PTDSS1: variants seen among roughly 807,000 people sequenced by gnomAD.
PTDSS1 encodes the protein phosphatidylserine synthase 1.
In PTDSS1, 45 loss-of-function variants were observed where a neutral mutation model predicts 70.5. The observed-to-expected ratio is 0.64, with a 90% CI of 0.50 to 0.82. The LOEUF (loss-of-function observed/expected upper bound fraction) is 0.82. Ranked by LOEUF, PTDSS1 falls within the 40% of genes least tolerant of loss-of-function variation. The pLI is 0.00. For synonymous variants in PTDSS1, 188 were observed against 203.8 expected (o/e 0.92, Z 0.66); for missense variants, 417 against 586.1 (o/e 0.71, Z 2.98).
intron 4 of PTDSS1, among the ~76,000 whole-genome samples, chr8:96,292,306 A>G (rs796115080): frequency 0.041 from 6,091 of 148,564 alleles, 439 homozygotes; most frequent in African/African-American, 0.14. Context: ...AAAAAAAAAA[A>G]AAAAGAAAAG....
In PTDSS1 at chr8:96,295,135, G is replaced by A; in HGVS notation, c.479G>A (p.Arg160Lys). The change falls in exon 5 of 13, where the codon AGG becomes AAG. Residue 160 changes from arginine to lysine, a missense_variant. Physicochemically the swap from Arg to Lys is conservative, Grantham distance 26 (BLOSUM62 2). Around this residue, in one of 3 missense-constraint regions of PTDSS1, gnomAD observed 272 missense variants for 429.5 expected, o/e 0.63. Coordinates refer to ENST00000517309, the MANE Select transcript of PTDSS1 (RefSeq NM_014754.3). Reference protein sequence around the residue: ...AVNCHVITWERIISHFDIFAF... With the variant: ...AVNCHVITWEKIISHFDIFAF... ...AACTGCCATGTGATCACCTGGGAGA[G>A]GATTATCAGCCACTTTGATATTTTT... The A allele has an allele frequency of 6.2e-7, 1 of 1,614,016 alleles. No individual in the cohort carries two copies. The highest frequency in any genetic ancestry group is 1.1e-5 in the South Asian group (1 of 91,056).
chr8:96,333,355 A>G (rs781532739), intron 12 of PTDSS1, 102 bp from the exon 13 acceptor site: 5 of 971,030 alleles, frequency 5.1e-6, no homozygotes, highest in Non-Finnish European at 6.6e-6. Context: ...TGCACGTATC[A>G]GGGAAGAACC....
At chr8:96,284,266 T>C (rs1167526104) in intron 3 of PTDSS1, 113 bp downstream of exon 3, 3 of 998,632 alleles carry the variant, frequency 3.0e-6, no homozygotes, top group African/African-American at 3.3e-5. Context: ...TATTCTAGCT[T>C]TTTGCTTTTT....
rs1458273610 is a variant in PTDSS1, at chr8:96,267,435, A to G, written c.179+5216A>G. Among the ~76,000 whole-genome samples, 4 of 152,072 alleles carry G rather than the reference A, an allele frequency of 2.6e-5. No homozygotes were observed. The East Asian group carries it at 7.7e-4, about 29-fold the overall frequency. ...CTCAGCAAACTCCCAACCCTTTGGG[A>G]TAGCTGACTCTCAGGCCCTGGCTTC... On this transcript the variant is annotated intron_variant, in intron 1 of 12. Transcript: ENST00000517309.
chr8:96,262,296 G>GGGGGGGGGGGGGGGGGGGGGGGGGGC lies in PTDSS1; in HGVS notation c.179+77_179+78insGGGGGGGGGGGGGGGGGGGGGGGGGC. The stretch of plus-strand genomic sequence containing the variant: ...GGGAGGGAGGGTGGCGGGGAGGGGG[G>GGGGGGGGGGGGGGGGGGGGGGGGGGC]CCCGGCATGGCTCTGGGTGAGGAAG... On this transcript the variant is annotated intron_variant, in intron 1 of 12. Transcript: ENST00000517309. The surrounding 1 kb of genome is among the most constrained non-coding windows in gnomAD (Gnocchi z 4.4). The GGGGGGGGGGGGGGGGGGGGGGGGGGC allele has an allele frequency of 6.9e-7, 1 of 1,450,430 alleles. No homozygotes were observed. Among genetic ancestry groups the GGGGGGGGGGGGGGGGGGGGGGGGGGC allele is most frequent in the Non-Finnish European group, 9.4e-7 (1 of 1,062,520 alleles). 89.8% of individuals were successfully genotyped at this position (1,450,430 alleles called of 1,614,324 possible). A position where few individuals can be genotyped will look rare whatever the true frequency, so the allele number is the denominator to read the frequency against.
Position 96,333,779 on chromosome 8 carries a change from G to T in PTDSS1, c.*213G>T, listed in dbSNP as rs1420659152. The T allele has an allele frequency of 4.3e-6, 3 of 703,392 alleles. No homozygotes were observed. Among genetic ancestry groups the T allele is most frequent in the Non-Finnish European group, 5.2e-6 (2 of 386,412 alleles). The allele number at this position is 703,392 out of a possible 1,614,324, so 43.6% of individuals were successfully genotyped here. A position where few individuals can be genotyped will look rare whatever the true frequency, so the allele number is the denominator to read the frequency against. On this transcript the variant is annotated 3_prime_UTR_variant, in exon 13 of 13. Coordinates refer to ENST00000517309, the MANE Select transcript of PTDSS1 (RefSeq NM_014754.3). ...CGCCTGGGGGGCCTTTGCCAACGTG[G>T]GGTCTCTTCTAACTTCAGCACTTGA...
chr8:96,276,697 A>G (rs1467875580), intron 2 of PTDSS1, among the ~76,000 whole-genome samples: 1 of 151,976 alleles, frequency 6.6e-6, no homozygotes, highest in Non-Finnish European at 1.5e-5. Flanking sequence ...TTTCTCCATA[A>G]TATGTTTTCT....
At chr8:96,329,380 C>A (rs1287838769) in intron 10 of PTDSS1, among the ~76,000 whole-genome samples, 2 of 152,182 alleles carry the variant, frequency 1.3e-5, no homozygotes, top group African/African-American at 4.8e-5. Flanking sequence ...TACCGCTCAC[C>A]CTCCCTCCCT....
chr8:96,272,258 T>C (rs1810577298), intron 1 of PTDSS1, among the ~76,000 whole-genome samples: 1 of 152,092 alleles, frequency 6.6e-6, no homozygotes, highest in African/African-American at 2.4e-5. Flanking sequence ...TGTTTTGAGG[T>C]TCATTTATTT....
rs377030163 is a variant in PTDSS1, at chr8:96,306,433, G to T, written c.895-11G>T. On this transcript the variant is annotated splice_polypyrimidine_tract_variant and intron_variant, in intron 7 of 12. Transcript: ENST00000517309. ...AGGTACCAGGTTGACTAATTTCTCC[G>T]TCTTTTTCAGCTGACTGAGTTGAAT... 1.2e-6 allele frequency: 2 copies of T among 1,603,372 alleles called. No individual in the cohort carries two copies. Among genetic ancestry groups the T allele is most frequent in the East Asian group, 2.2e-5 (1 of 44,782 alleles).
chr8:96,269,957 A>G (rs933782047), intron 1 of PTDSS1, among the ~76,000 whole-genome samples: 19 of 152,176 alleles, frequency 1.2e-4, no homozygotes, highest in Non-Finnish European at 4.4e-5. Context: ...GCACTGTTTT[A>G]AGTGCTTTAC....
intron 9 of PTDSS1, among the ~76,000 whole-genome samples, chr8:96,309,967 A>G (rs560583420): frequency 3.9e-5 from 6 of 151,984 alleles, no homozygotes; most frequent in African/African-American, 1.4e-4. Flanking sequence ...ATTCGAGACT[A>G]ACCTGGTCAA....
intron 7 of PTDSS1, among the ~76,000 whole-genome samples, chr8:96,305,649 A>G (rs1218798943): frequency 2.6e-5 from 4 of 152,094 alleles, no homozygotes; most frequent in African/African-American, 9.7e-5. Flanking sequence ...GCACGAGTCC[A>G]TCGTCATCTC....
In PTDSS1 at chr8:96,262,946, G is replaced by A. The variant is rs1272297045; in HGVS notation, c.179+727G>A. On this transcript the variant is annotated intron_variant, in intron 1 of 12. Transcript: ENST00000517309. The surrounding 1 kb of genome is among the most constrained non-coding windows in gnomAD (Gnocchi z 4.4). Reference sequence around the variant, plus strand: ...CCAATACCCATCATCTGTGTACATGGCTGCACAGACACCAGCCCGCCACAC... The same window carrying A: ...CCAATACCCATCATCTGTGTACATGACTGCACAGACACCAGCCCGCCACAC... 6.6e-6 allele frequency among the ~76,000 whole-genome samples: 1 copy of A among 152,060 alleles called. No homozygotes were observed. The highest frequency in any genetic ancestry group is 1.9e-4 in the East Asian group (1 of 5,190).
At chr8:96,278,809 C>T (rs1020961054) in intron 2 of PTDSS1, among the ~76,000 whole-genome samples, 4 of 152,076 alleles carry the variant, frequency 2.6e-5, no homozygotes, top group Non-Finnish European at 1.5e-5. Flanking sequence ...ACCACGCCCC[C>T]AAAACCAGCC....
chr8:96,326,480 C>T (rs893526820), intron 10 of PTDSS1, among the ~76,000 whole-genome samples: 12 of 152,290 alleles, frequency 7.9e-5, no homozygotes, highest in African/African-American at 2.4e-4. Flanking sequence ...AGGAAGCACT[C>T]GGCAGCTTCG....
intron 2 of PTDSS1, among the ~76,000 whole-genome samples, chr8:96,280,836 C>G (rs1054521471): frequency 6.6e-6 from 1 of 152,154 alleles, no homozygotes; most frequent in Non-Finnish European, 1.5e-5. Flanking sequence ...AACCATGAGG[C>G]TGAGCCCTTC....
intron 6 of PTDSS1, among the ~76,000 whole-genome samples, chr8:96,300,162 G>A (rs2130095878): frequency 6.6e-6 from 1 of 152,032 alleles, no homozygotes; most frequent in Admixed American, 6.5e-5. Context: ...CCCATCCCTG[G>A]ATCAATTCAT....
chr8:96,279,476 C>A (rs1323752066), intron 2 of PTDSS1, among the ~76,000 whole-genome samples: 2 of 151,534 alleles, frequency 1.3e-5, no homozygotes, highest in African/African-American at 4.9e-5. Flanking sequence ...AAAAAAGTTC[C>A]TTTCTCCTTC....
Sources: gnomAD v4.1 joint callset for allele counts (sites outside exome capture counted in the v4.1 genomes callset) on GRCh38, gnomAD v4.1.1 for gene constraint, gnomAD v4.1.1 regional missense constraint, Gnocchi (gnomAD v3.1) non-coding constraint, MANE v1.5 for transcripts, NCBI Gene and HGNC (gene_info 2026-07-23, HGNC 2026-07-21) for gene names.